The following CHD7 variants were observed in gnomAD, a reference collection of about 807,000 sequenced individuals.
The protein encoded by CHD7 is chromodomain helicase DNA binding protein 7.
Under a neutral mutation model 307.3 loss-of-function variants are expected in CHD7, and 24 were observed. That is an observed-to-expected ratio of 0.08 (90% CI 0.06 to 0.11). CHD7 has a LOEUF of 0.11. CHD7 is among the 10% of genes least tolerant of loss of function. The pLI is 1.00. For synonymous variants in CHD7, 1,363 were observed against 1,349.9 expected, an observed-to-expected ratio of 1.01 and a Z score of -0.21; for missense variants, 3,106 against 3,727.1, an observed-to-expected ratio of 0.83 and a Z score of 4.34.
At chr8:60,700,620 G>A (rs975372305) in intron 1 of CHD7, among the ~76,000 whole-genome samples, 1 of 152,174 alleles carries the variant, frequency 6.6e-6, no homozygotes. Flanking sequence ...GTTGGGTGCC[G>A]GCTGGTGCCC....
chr8:60,764,552 A>G (rs1350090619), intron 2 of CHD7, among the ~76,000 whole-genome samples: 2 of 152,210 alleles, frequency 1.3e-5, no homozygotes, highest in Non-Finnish European at 2.9e-5. Flanking sequence ...CAGAAAGGGA[A>G]TATTTGTTGC....
At chr8:60,682,570 C>G (rs1448941755) in intron 1 of CHD7, among the ~76,000 whole-genome samples, 1 of 152,198 alleles carries the variant, frequency 6.6e-6, no homozygotes. Context: ...GCTTGCCACA[C>G]AGTCACCATG....
intron 3 of CHD7, among the ~76,000 whole-genome samples, chr8:60,792,656 C>T (rs1436904838): frequency 6.6e-6 from 1 of 152,194 alleles, no homozygotes; most frequent in Non-Finnish European, 1.5e-5. Flanking sequence ...ATTAGCACTT[C>T]TCTCCTTCAG....
intron 1 of CHD7, among the ~76,000 whole-genome samples, chr8:60,707,693 T>C (rs1396649126): frequency 6.6e-6 from 1 of 152,226 alleles, no homozygotes; most frequent in Non-Finnish European, 1.5e-5. Context: ...AGTTTTTAAA[T>C]AGAAATTTAA....
In CHD7 at chr8:60,866,011, C is replaced by A; in HGVS notation, c.*78C>A. On this transcript the variant is annotated 3_prime_UTR_variant, in exon 38 of 38. Coordinates refer to ENST00000423902, the MANE Select transcript of CHD7 (RefSeq NM_017780.4). ...ACTGTTTACACTCACAGTTAATGTT[C>A]ATACCTAGTTTTATAAGCTGTTCTG... The A allele has an allele frequency of 1.6e-6, 2 of 1,288,760 alleles. No individual in the cohort carries two copies. Among genetic ancestry groups the A allele is most frequent in the South Asian group, 1.3e-5 (1 of 76,092 alleles). 79.8% of individuals were successfully genotyped at this position (1,288,760 alleles called of 1,614,324 possible).
At chr8:60,694,773 G>A (rs1317262687) in intron 1 of CHD7, among the ~76,000 whole-genome samples, 1 of 152,200 alleles carries the variant, frequency 6.6e-6, no homozygotes, top group East Asian at 1.9e-4. Context: ...CTGGGACTCA[G>A]GGAAGATCAG....
rs184802461 is a variant in CHD7, at chr8:60,800,582, C to A, written c.2376+57C>A. The A allele has an allele frequency of 4.0e-3, 3,889 of 971,560 alleles. 27 individuals carry two copies. Among genetic ancestry groups the A allele is most frequent in the Non-Finnish European group, 3.1e-3 (2,140 of 687,810 alleles). The allele number at this position is 971,560 out of a possible 1,614,324, so 60.2% of individuals were successfully genotyped here. On this transcript the variant is annotated intron_variant, in intron 5 of 37. Transcript: ENST00000423902. Reference sequence around the variant, plus strand: ...CATTTTAAAGATGGACTAGAAATTTCATTGCTGCAATCTGAGAAGTGCAGT... The same window carrying A: ...CATTTTAAAGATGGACTAGAAATTTAATTGCTGCAATCTGAGAAGTGCAGT...
chr8:60,681,929 A>C (rs950552796), intron 1 of CHD7, among the ~76,000 whole-genome samples: 1 of 152,186 alleles, frequency 6.6e-6, no homozygotes, highest in Non-Finnish European at 1.5e-5. Context: ...TGAATTTTAA[A>C]TTATTATATT....
At chr8:60,774,680 A>C (rs1757592362) in intron 2 of CHD7, among the ~76,000 whole-genome samples, 1 of 152,248 alleles carries the variant, frequency 6.6e-6, no homozygotes, top group African/African-American at 2.4e-5. Flanking sequence ...CTGGAAGGGC[A>C]GTGGTGGGTA....
In CHD7 at chr8:60,867,247, C is replaced by G. The variant is rs1028959036; in HGVS notation, c.*1314C>G. The G allele has an allele frequency of 1.3e-5, 2 of 152,152 alleles. No homozygotes were observed. The highest frequency in any genetic ancestry group is 4.8e-5 in the African/African-American group (2 of 41,412). The allele number at this position is 152,152 out of a possible 1,614,324, so 9.4% of individuals were successfully genotyped here. A position where few individuals can be genotyped will look rare whatever the true frequency, so the allele number is the denominator to read the frequency against. On this transcript the variant is annotated 3_prime_UTR_variant, in exon 38 of 38. Coordinates refer to ENST00000423902, the MANE Select transcript of CHD7 (RefSeq NM_017780.4). Reference sequence around the variant, plus strand: ...ACAAAAGGGCAAAAGAAAAATGAGGCTTTAACAGGCACAATATCTAGGTCA... The same window carrying G: ...ACAAAAGGGCAAAAGAAAAATGAGGGTTTAACAGGCACAATATCTAGGTCA...
rs1586432359 is a variant in CHD7, at chr8:60,845,340, C to G, written c.5141C>G (p.Ala1714Gly). The change falls in exon 23 of 38, where the codon GCC (alanine) becomes GGC (glycine). Residue 1714 changes from alanine (A) to glycine (G), a missense_variant. Ala to Gly is a moderately conservative substitution (Grantham distance 60). Around this residue, in one of 10 missense-constraint regions of CHD7, gnomAD observed 1,030 missense variants for 1,165.4 expected, o/e 0.88. Transcript: ENST00000423902. ...QPVVQDADWL[A>G]SCNPDALFQE... ...GTGGTGCAGGATGCCGACTGGCTGG[C>G]CAGCTGCAACCCAGATGCCCTGTTC... is the stretch of plus-strand genomic sequence containing the variant. 4 of 1,613,964 alleles carry G rather than the reference C, an allele frequency of 2.5e-6. No individual in the cohort carries two copies. The highest frequency in any genetic ancestry group is 3.4e-6 in the Non-Finnish European group (4 of 1,179,870).
intron 2 of CHD7, among the ~76,000 whole-genome samples, chr8:60,752,751 T>A (rs1232575482): frequency 6.6e-6 from 1 of 152,202 alleles, no homozygotes; most frequent in Non-Finnish European, 1.5e-5. Context: ...ATTGTGGGAT[T>A]TTTGCAATTT....
intron 1 of CHD7, among the ~76,000 whole-genome samples, chr8:60,682,569 A>G (rs754292050): frequency 1.3e-5 from 2 of 152,210 alleles, no homozygotes; most frequent in Non-Finnish European, 2.9e-5. Context: ...TGCTTGCCAC[A>G]CAGTCACCAT....
At chr8:60,703,184 T>G (rs898788544) in intron 1 of CHD7, among the ~76,000 whole-genome samples, 1 of 152,206 alleles carries the variant, frequency 6.6e-6, no homozygotes, top group Non-Finnish European at 1.5e-5. Context: ...AATACACATC[T>G]TAACTATTTT....
chr8:60,779,080 A>C (rs1563592742), intron 2 of CHD7, among the ~76,000 whole-genome samples: 2 of 152,216 alleles, frequency 1.3e-5, no homozygotes, highest in African/African-American at 4.8e-5. Context: ...ATTCTCCCTT[A>C]GCTATGACCA....
chr8:60,724,531 C>G (rs1808073863), intron 1 of CHD7, among the ~76,000 whole-genome samples: 1 of 152,070 alleles, frequency 6.6e-6, no homozygotes, highest in Admixed American at 6.6e-5. Context: ...TGATGGAATG[C>G]AAATTTTCAT....
chr8:60,839,385 A>C (rs1021066438), intron 19 of CHD7, among the ~76,000 whole-genome samples: 2 of 152,148 alleles, frequency 1.3e-5, no homozygotes, highest in Admixed American at 1.3e-4. Flanking sequence ...GAATGTTGTT[A>C]TGGATATTTG....
At chr8:60,729,724 C>G (rs900212611) in intron 1 of CHD7, among the ~76,000 whole-genome samples, 26 of 152,180 alleles carry the variant, frequency 1.7e-4, no homozygotes, top group African/African-American at 5.8e-4. Flanking sequence ...TTTCATCATT[C>G]TCATTATGCA....
chr8:60,860,665 C>T (rs532855174), intron 34 of CHD7, among the ~76,000 whole-genome samples: 2 of 152,282 alleles, frequency 1.3e-5, no homozygotes, highest in African/African-American at 4.8e-5. Context: ...GAACTCCTGA[C>T]CTCAGGTGAT....
Sources: gnomAD v4.1 joint callset for allele counts (sites outside exome capture counted in the v4.1 genomes callset) on GRCh38, gnomAD v4.1.1 for gene constraint, gnomAD v4.1.1 regional missense constraint, MANE v1.5 for transcripts, NCBI Gene and HGNC (gene_info 2026-07-23, HGNC 2026-07-21) for gene names.